The following TTC39B variants were observed in gnomAD, a reference collection of about 807,000 sequenced individuals.
The protein encoded by TTC39B is tetratricopeptide repeat protein 39B.
A neutral mutation model predicts 96.6 loss-of-function variants in TTC39B; 92 were observed. The observed-to-expected ratio is 0.95, with a 90% CI of 0.80 to 1.13. TTC39B has a LOEUF of 1.13. Among genes scored for constraint, TTC39B ranks in the 50% most tolerant of loss-of-function variants. TTC39B has a pLI of 0.00. For missense variants in TTC39B, 955 were observed against 809.3 expected (o/e 1.18, Z -2.18); for synonymous variants, 367 against 299.4 (o/e 1.23, Z -2.33).
Position 15,177,833 on chromosome 9 carries a change from C to CAA in TTC39B, c.1724-21_1724-20dup, listed in dbSNP as rs753800978. The CAA allele has an allele frequency of 2.4e-6, 3 of 1,248,656 alleles. No homozygotes were observed. The East Asian group carries it at 7.3e-5, about 30-fold the overall frequency. The allele number at this position is 1,248,656 out of a possible 1,614,324, so 77.3% of individuals were successfully genotyped here. A position where few individuals can be genotyped will look rare whatever the true frequency, so the allele number is the denominator to read the frequency against. ...TTAAAATCTTAAAACAAAAAACATA[C>CAA]AAAGAAAACACACAAAGAAAAATAC... On this transcript the variant is annotated intron_variant, in intron 17 of 19. Coordinates refer to ENST00000512701, the Ensembl canonical transcript of TTC39B.
At chr9:15,205,516 A>G (rs1819795237) in intron 6 of TTC39B, among the ~76,000 whole-genome samples, 9 of 152,180 alleles carry the variant, frequency 5.9e-5, no homozygotes, top group Admixed American at 5.9e-4. Flanking sequence ...TCAACAGTAC[A>G]CAGAAAGATG....
chr9:15,227,222 C>A (rs531019559), intron 2 of TTC39B, among the ~76,000 whole-genome samples: 1 of 151,660 alleles, frequency 6.6e-6, no homozygotes, highest in Admixed American at 6.6e-5. Context: ...CAGGGAGAAT[C>A]GCTTGAACCC....
intron 3 of TTC39B, among the ~76,000 whole-genome samples, chr9:15,222,033 A>G (rs552342885): frequency 6.6e-6 from 1 of 152,364 alleles, no homozygotes; most frequent in Non-Finnish European, 1.5e-5. Context: ...AAGAAGCAAG[A>G]AAGAGTAACG....
intron 1 of TTC39B, among the ~76,000 whole-genome samples, chr9:15,277,150 T>C (rs12349819): frequency 0.19 from 29,501 of 152,142 alleles, 5,949 homozygotes; most frequent in African/African-American, 0.52. Context: ...ATTTATGGGC[T>C]GGGCGCAGTG....
chr9:15,194,298 C>A (rs1819025092), intron 8 of TTC39B, among the ~76,000 whole-genome samples: 1 of 152,130 alleles, frequency 6.6e-6, no homozygotes, highest in South Asian at 2.1e-4. Flanking sequence ...TAATATTAAA[C>A]CTATATGGAC....
Position 15,164,302 on chromosome 9 carries a change from T to C in TTC39B, c.*7717A>G, listed in dbSNP as rs571933821. The C allele has an allele frequency of 3.9e-5, 6 of 152,310 alleles. No individual in the cohort carries two copies. In the East Asian group the frequency reaches 1.2e-3, roughly 29 times the overall value. 9.4% of individuals were successfully genotyped at this position (152,310 alleles called of 1,614,324 possible). A position where few individuals can be genotyped will look rare whatever the true frequency, so the allele number is the denominator to read the frequency against. On this transcript the variant is annotated 3_prime_UTR_variant, in exon 20 of 20. Coordinates refer to ENST00000512701, the Ensembl canonical transcript of TTC39B. Reference sequence around the variant, plus strand: ...ACAGAACATTAAATTATAAAGTACATACAGGTAGCTTTTATGATTCAACAA... The same window carrying C: ...ACAGAACATTAAATTATAAAGTACACACAGGTAGCTTTTATGATTCAACAA...
At position 15,222,546 on chromosome 9, in the gene TTC39B, T is replaced by C. The variant is rs139108191; in HGVS notation, c.371+3371A>G. Among the ~76,000 whole-genome samples the C allele has an allele frequency of 1.1e-4, 16 of 152,298 alleles. No homozygotes were observed. In the East Asian group the frequency reaches 2.9e-3, roughly 28 times the overall value. On this transcript the variant is annotated intron_variant, in intron 3 of 19. Transcript: ENST00000512701. ...CAACATTTTGCCGTAACCTTCATGA[T>C]TGAGCCATTTGGACAACTCATCCCA...
At chr9:15,264,642 G>A (rs10961947) in intron 2 of TTC39B, among the ~76,000 whole-genome samples, 18,579 of 140,362 alleles carry the variant, frequency 0.13, 1,442 homozygotes, top group African/African-American at 0.23. Flanking sequence ...GCGACAGAGC[G>A]AGACTCTGTC....
chr9:15,245,784 G>A (rs190549507), intron 2 of TTC39B, among the ~76,000 whole-genome samples: 1 of 152,174 alleles, frequency 6.6e-6, no homozygotes, highest in Admixed American at 6.5e-5. Flanking sequence ...ATACCACTTG[G>A]TCACTAAAGA....
chr9:15,287,764 G>A (rs901182538), intron 1 of TTC39B, among the ~76,000 whole-genome samples: 2 of 151,994 alleles, frequency 1.3e-5, no homozygotes, highest in Non-Finnish European at 1.5e-5. Flanking sequence ...GGCTAACACG[G>A]TGAAACCCCT....
chr9:15,216,138 T>C (rs1188690379), intron 3 of TTC39B, among the ~76,000 whole-genome samples: 1 of 151,914 alleles, frequency 6.6e-6, no homozygotes, highest in Non-Finnish European at 1.5e-5. Context: ...TGTCTCAGGG[T>C]TTTTTCTCCC....
intron 3 of TTC39B, among the ~76,000 whole-genome samples, chr9:15,214,492 G>A (rs982315510): frequency 6.6e-6 from 1 of 152,076 alleles, no homozygotes; most frequent in Admixed American, 6.6e-5. Flanking sequence ...ATTAGATTCT[G>A]ATTCTCAGGG....
intron 2 of TTC39B, among the ~76,000 whole-genome samples, chr9:15,235,725 A>G (rs755364247): frequency 5.9e-5 from 9 of 152,198 alleles, no homozygotes; most frequent in Non-Finnish European, 1.2e-4. Flanking sequence ...AGCTTCATCA[A>G]TGAAGAAGAA....
At chr9:15,271,571 T>C (rs974355585) in intron 1 of TTC39B, among the ~76,000 whole-genome samples, 1 of 151,856 alleles carries the variant, frequency 6.6e-6, no homozygotes, top group Non-Finnish European at 1.5e-5. Context: ...CTCCTGAGAC[T>C]CTCACGCCAC....
intron 16 of TTC39B, among the ~76,000 whole-genome samples, chr9:15,183,976 T>C (rs140028282): frequency 6.6e-6 from 1 of 152,196 alleles, no homozygotes; most frequent in South Asian, 2.1e-4. Flanking sequence ...CTAACTCCTG[T>C]CTGACCCCTG....
intron 14 of TTC39B, 43 bp downstream of exon 14, chr9:15,187,928 G>C: frequency 2.0e-6 from 3 of 1,522,026 alleles, no homozygotes; most frequent in Admixed American, 2.1e-5. Flanking sequence ...TCCTGGCCAT[G>C]TATTAGCAAA....
In TTC39B at chr9:15,211,256, C is replaced by T; in HGVS notation, c.614+10G>A. The T allele has an allele frequency of 6.6e-7, 1 of 1,519,636 alleles. No individual in the cohort carries two copies. Among genetic ancestry groups the T allele is most frequent in the East Asian group, 2.5e-5 (1 of 40,806 alleles). The allele number at this position is 1,519,636 out of a possible 1,614,324, so 94.1% of individuals were successfully genotyped here. Reference sequence around the variant, plus strand: ...CAGTCACATCTTAAGTATTTAATGACTCGTCATACTTTTGGCAGGTTTGTA... The same window carrying T: ...CAGTCACATCTTAAGTATTTAATGATTCGTCATACTTTTGGCAGGTTTGTA... On this transcript the variant is annotated intron_variant, in intron 5 of 19. Coordinates refer to ENST00000512701, the Ensembl canonical transcript of TTC39B.
chr9:15,221,962 T>C (rs1296396221), intron 3 of TTC39B, among the ~76,000 whole-genome samples: 1 of 152,228 alleles, frequency 6.6e-6, no homozygotes, highest in Non-Finnish European at 1.5e-5. Context: ...TGGCAAACAC[T>C]GGTAACTACT....
In TTC39B at chr9:15,177,456, T is replaced by C. The variant is rs1224053556; in HGVS notation, c.1841+241A>G. Among the ~76,000 whole-genome samples, 4 of 152,220 alleles carry C rather than the reference T, an allele frequency of 2.6e-5. No homozygotes were observed. The East Asian group carries it at 5.8e-4, about 22-fold the overall frequency. On this transcript the variant is annotated intron_variant, in intron 18 of 19. Transcript: ENST00000512701. ...GGCTAGACACCTGTTAGTTGAGCTA[T>C]AAATACAGTTTTTGTAAGTCATCTT...
Sources: allele counts gnomAD v4.1 joint callset (sites outside exome capture counted in the v4.1 genomes callset), GRCh38; gene constraint gnomAD v4.1.1; transcripts MANE v1.5; gene names NCBI Gene and HGNC (gene_info 2026-07-23, HGNC 2026-07-21).